Variants in BAZ2B observed in about 807,000 individuals in gnomAD.
BAZ2B encodes the protein bromodomain adjacent to zinc finger domain 2B, also known as bromodomain adjacent to zinc finger domain protein 2B.
A neutral mutation model predicts 246.0 loss-of-function variants in BAZ2B; 91 were observed. The observed-to-expected ratio is 0.37, with a 90% confidence interval of 0.31 to 0.44. BAZ2B has a LOEUF of 0.44. Among genes scored for constraint, BAZ2B ranks in the 20% least tolerant of loss-of-function variants. BAZ2B has a pLI of 1.00. For synonymous variants in BAZ2B, 855 were observed against 860.0 expected (o/e 0.99, Z 0.10); for missense variants, 2,332 against 2,533.7 (o/e 0.92, Z 1.71).
At chr2:159,367,672 T>G (rs2060362547) in intron 27 of BAZ2B, among the ~76,000 whole-genome samples, 1 of 151,962 alleles carries the variant, frequency 6.6e-6, no homozygotes, top group South Asian at 2.1e-4. Flanking sequence ...GATCATGAGG[T>G]CAGGAGATCG....
At chr2:159,325,318 A>ACAGGGTTTCACCATGTTGG (rs1176924003) in intron 35 of BAZ2B, among the ~76,000 whole-genome samples, 1 of 149,604 alleles carries the variant, frequency 6.7e-6, no homozygotes, top group Non-Finnish European at 1.5e-5. Context: ...TTTAGTAGAG[A>ACAGGGTTTCACCATGTTGG]CAGGGTTTCA....
intron 2 of BAZ2B, among the ~76,000 whole-genome samples, chr2:159,503,049 G>A (rs558596857): frequency 3.9e-5 from 6 of 152,272 alleles, no homozygotes; most frequent in Admixed American, 2.6e-4. Context: ...AGCCTTCCAA[G>A]AGGTCTCTGC....
At chr2:159,601,682 T>C (rs139790823) in intron 1 of BAZ2B, among the ~76,000 whole-genome samples, 4,601 of 152,122 alleles carry the variant, frequency 0.03, 115 homozygotes, top group Non-Finnish European at 0.043. Context: ...GATTGTGCCA[T>C]TGTACTCCAG....
At chr2:159,662,973 A>G in the BAZ2B span, among the ~76,000 whole-genome samples, 1 of 152,160 alleles carries the variant, frequency 6.6e-6, no homozygotes, top group South Asian at 2.1e-4. Context: ...TTCTTTAGAT[A>G]AATATGTATT....
At chr2:159,524,773 C>T (rs1035922249) in intron 2 of BAZ2B, among the ~76,000 whole-genome samples, 5 of 151,970 alleles carry the variant, frequency 3.3e-5, no homozygotes, top group African/African-American at 9.7e-5. Context: ...TAAATCCAAT[C>T]GGCGAAGTTA....
chr2:159,322,133 G>A (rs1440945912), intron 36 of BAZ2B: 3 of 152,142 alleles, frequency 2.0e-5, no homozygotes, highest in Non-Finnish European at 4.4e-5. Context: ...GAAATATCTT[G>A]TATGACCTTT....
At chr2:159,581,619 A>G (rs1686797371) in intron 1 of BAZ2B, among the ~76,000 whole-genome samples, 1 of 152,180 alleles carries the variant, frequency 6.6e-6, no homozygotes, top group Admixed American at 6.5e-5. Context: ...AGACACATGC[A>G]CATGTATGTT....
intron 25 of BAZ2B, among the ~76,000 whole-genome samples, chr2:159,380,214 A>G (rs901010693): frequency 6.6e-6 from 1 of 152,122 alleles, no homozygotes; most frequent in Non-Finnish European, 1.5e-5. Context: ...CTCGTCTTTA[A>G]CATCTGTAAA....
In BAZ2B at chr2:159,431,085, C is replaced by A; in HGVS notation, c.1972G>T (p.Glu658Ter). ...TCTCCTTCAGTATCACTATCTGATTCATCTTGGTCTTTATCATCATCATCT... is the reference window on the plus strand; with the variant it reads ...TCTCCTTCAGTATCACTATCTGATTAATCTTGGTCTTTATCATCATCATCT... ...EEDDDDKDQD[E>*]SDSDTEGEKT... is the part of the protein sequence containing the mutation. Residue 658 changes from glutamate to a stop codon, truncating the protein, a stop_gained, in exon 10 of 37, where the codon GAA becomes TAA. Coordinates refer to ENST00000392783, the MANE Select transcript of BAZ2B (RefSeq NM_013450.4). LOFTEE classifies it high-confidence loss of function. The A allele has an allele frequency of 6.2e-7, 1 of 1,613,890 alleles. No individual in the cohort carries two copies. Among genetic ancestry groups the A allele is most frequent in the Non-Finnish European group, 8.5e-7 (1 of 1,179,820 alleles).
chr2:159,489,057 C>T lies in BAZ2B; in HGVS notation c.-2-10336G>A, dbSNP rs139927882. ...CAAGATTCTAGATTAACTCATAAAG[C>T]CTATTTCCTCTCATTTACGCTTTTC... On this transcript the variant is annotated intron_variant, in intron 2 of 36. Transcript: ENST00000392783. Among the ~76,000 whole-genome samples the T allele has an allele frequency of 4.2e-3, 641 of 152,204 alleles. 1 individual carries two copies. Among genetic ancestry groups the T allele is most frequent in the African/African-American group, 0.014 (594 of 41,514 alleles).
intron 1 of BAZ2B, among the ~76,000 whole-genome samples, chr2:159,578,751 G>T (rs1685976159): frequency 6.6e-6 from 1 of 152,138 alleles, no homozygotes; most frequent in Non-Finnish European, 1.5e-5. Context: ...AATCAAACTA[G>T]GAATCAGGAT....
chr2:159,383,870 G>T (rs1165360005), intron 23 of BAZ2B, among the ~76,000 whole-genome samples, 190 bp from the exon 24 acceptor site: 1 of 151,988 alleles, frequency 6.6e-6, no homozygotes, highest in African/African-American at 2.4e-5. Context: ...GTTGAAAAGT[G>T]ATAACTTCTT....
rs150742935 is a variant in BAZ2B at position 159,332,433 on chromosome 2, G to T, written c.5943+107C>A. Reference sequence around the variant, plus strand: ...GCCCAGGAGTTTTAGGCTGTAGTGGGCTATGATCATACCACTGCACTCCAG... The same window carrying T: ...GCCCAGGAGTTTTAGGCTGTAGTGGTCTATGATCATACCACTGCACTCCAG... On this transcript the variant is annotated intron_variant, in intron 34 of 36. Coordinates refer to ENST00000392783, the MANE Select transcript of BAZ2B (RefSeq NM_013450.4). 8.8e-4 allele frequency: 990 copies of T among 1,121,826 alleles called. 5 individuals are homozygous for T. The African/African-American group carries it at 0.014, about 16-fold the overall frequency. 69.5% of individuals were successfully genotyped at this position (1,121,826 alleles called of 1,614,324 possible).
intron 2 of BAZ2B, among the ~76,000 whole-genome samples, chr2:159,481,788 G>C (rs1386493340): frequency 1.5e-5 from 2 of 134,288 alleles, no homozygotes; most frequent in African/African-American, 5.5e-5. Flanking sequence ...ATGAAAGAAA[G>C]AAAAAAAAAA....
the BAZ2B span, among the ~76,000 whole-genome samples, chr2:159,672,276 C>T: frequency 6.6e-6 from 1 of 152,068 alleles, no homozygotes; most frequent in African/African-American, 2.4e-5. Flanking sequence ...TGTTAACAAC[C>T]GTGAATGTAC....
chr2:159,497,795 CTAGTAGAAAACTTCCT>C (rs1553677284), intron 2 of BAZ2B, among the ~76,000 whole-genome samples: 1 of 152,144 alleles, frequency 6.6e-6, no homozygotes, highest in Non-Finnish European at 1.5e-5. Flanking sequence ...ACGAAAGAGC[CTAGTAGAAAACTTCCT>C]AACAAATATG....
At chr2:159,688,320 G>A in the BAZ2B span, among the ~76,000 whole-genome samples, 1 of 152,160 alleles carries the variant, frequency 6.6e-6, no homozygotes, top group East Asian at 1.9e-4. Context: ...GAGACACCAG[G>A]TCCAGCCCAG....
At chr2:159,592,923 G>T (rs1157068171) in intron 1 of BAZ2B, among the ~76,000 whole-genome samples, 1 of 152,122 alleles carries the variant, frequency 6.6e-6, no homozygotes, top group South Asian at 2.1e-4. Context: ...AATTGATAAA[G>T]TATCTTATTC....
At chr2:159,504,985 T>C (rs2082183889) in intron 2 of BAZ2B, among the ~76,000 whole-genome samples, 1 of 152,200 alleles carries the variant, frequency 6.6e-6, no homozygotes, top group South Asian at 2.1e-4. Flanking sequence ...ACTTAATTTA[T>C]AAAGCTACAT....
Sources: allele counts gnomAD v4.1 joint callset (sites outside exome capture counted in the v4.1 genomes callset), GRCh38; gene constraint gnomAD v4.1.1; transcripts MANE v1.5; gene names NCBI Gene and HGNC (gene_info 2026-07-23, HGNC 2026-07-21).